Variants in ADAMTSL1 observed in about 807,000 individuals in gnomAD.
ADAMTSL1 encodes ADAMTS-like protein 1.
In ADAMTSL1, 126 loss-of-function variants were observed where a neutral mutation model predicts 201.8. That is an observed-to-expected ratio of 0.62 (90% CI 0.54 to 0.72). ADAMTSL1 has a LOEUF of 0.72. Ranked by LOEUF, ADAMTSL1 falls within the 30% of genes least tolerant of loss-of-function variation. The pLI is 0.00. For synonymous variants in ADAMTSL1, 1,121 were observed against 903.4 expected (o/e 1.24, Z -4.32); for missense variants, 2,679 against 2,277.8 (o/e 1.18, Z -3.59).
chr9:18,021,960 C>T (rs1300423176), intron 1 of ADAMTSL1, among the ~76,000 whole-genome samples: 1 of 152,068 alleles, frequency 6.6e-6, no homozygotes, highest in East Asian at 1.9e-4. Context: ...AATGAAAGCT[C>T]ATTGGCTTAG....
intron 23 of ADAMTSL1, among the ~76,000 whole-genome samples, chr9:18,832,482 A>T (rs1221181684): frequency 1.3e-5 from 2 of 152,252 alleles, no homozygotes; most frequent in African/African-American, 2.4e-5. Context: ...GGAGAATGAC[A>T]TACTAAAAGT....
intron 23 of ADAMTSL1, among the ~76,000 whole-genome samples, chr9:18,851,275 G>T (rs1588235033): frequency 6.6e-6 from 1 of 152,144 alleles, no homozygotes; most frequent in Non-Finnish European, 1.5e-5. Context: ...GCAATGGTGA[G>T]AAAGCAGTAT....
intron 1 of ADAMTSL1, among the ~76,000 whole-genome samples, chr9:18,134,815 A>G (rs902260863): frequency 2.5e-4 from 38 of 152,218 alleles, no homozygotes; most frequent in African/African-American, 9.2e-4. Flanking sequence ...TTTGTTGTGG[A>G]GACAGACTCT....
intron 23 of ADAMTSL1, among the ~76,000 whole-genome samples, chr9:18,830,582 C>T (rs1824912812): frequency 6.6e-6 from 1 of 152,098 alleles, no homozygotes. Context: ...ATGGGTAGTG[C>T]CCTCTGGTAG....
chr9:18,134,319 G>T (rs1174814072), intron 1 of ADAMTSL1, among the ~76,000 whole-genome samples: 1 of 152,126 alleles, frequency 6.6e-6, no homozygotes, highest in Admixed American at 6.5e-5. Flanking sequence ...TGTTGTTGGT[G>T]CATGCCATTG....
chr9:17,931,334 T>C (rs1382705997), intron 1 of ADAMTSL1, among the ~76,000 whole-genome samples: 1 of 150,800 alleles, frequency 6.6e-6, no homozygotes, highest in Non-Finnish European at 1.5e-5. Context: ...GAATTCAGTC[T>C]GGTGGGTGAG....
At chr9:18,023,519 T>C (rs1032278544) in intron 1 of ADAMTSL1, among the ~76,000 whole-genome samples, 1 of 152,194 alleles carries the variant, frequency 6.6e-6, no homozygotes, top group African/African-American at 2.4e-5. Context: ...TCCAAATTGC[T>C]TTTAATCTTC....
intron 19 of ADAMTSL1, 137 bp from the exon 20 acceptor site, chr9:18,795,260 C>T (rs1822337389): frequency 3.6e-6 from 4 of 1,121,186 alleles, no homozygotes; most frequent in Non-Finnish European, 5.0e-6. Context: ...CTTGATTGTC[C>T]TTGTAGCTGG....
chr9:17,920,651 A>G (rs959696819), intron 1 of ADAMTSL1, among the ~76,000 whole-genome samples: 1 of 152,092 alleles, frequency 6.6e-6, no homozygotes, highest in African/African-American at 2.4e-5. Flanking sequence ...TTCAGCCTGC[A>G]TTTTTTGGTC....
chr9:18,029,372 C>T (rs1820836860), intron 1 of ADAMTSL1, among the ~76,000 whole-genome samples: 1 of 152,160 alleles, frequency 6.6e-6, no homozygotes, highest in Admixed American at 6.5e-5. Flanking sequence ...GGATCCCTTC[C>T]TTATGCCTTA....
chr9:17,972,086 T>G (rs916644580), intron 1 of ADAMTSL1, among the ~76,000 whole-genome samples: 3 of 151,952 alleles, frequency 2.0e-5, no homozygotes, highest in African/African-American at 7.2e-5. Context: ...ATTCATCATC[T>G]CACAGTGACC....
At chr9:18,327,656 G>C (rs1834879718) in intron 2 of ADAMTSL1, among the ~76,000 whole-genome samples, 1 of 152,150 alleles carries the variant, frequency 6.6e-6, no homozygotes, top group African/African-American at 2.4e-5. Context: ...TGTTCCAATA[G>C]TTTAATGTTT....
At chr9:18,182,153 G>T (rs74994272) in intron 2 of ADAMTSL1, among the ~76,000 whole-genome samples, 3 of 136,628 alleles carry the variant, frequency 2.2e-5, no homozygotes, top group Non-Finnish European at 3.2e-5. Context: ...TGGGGGGAGG[G>T]GGGAGGGATA....
intron 1 of ADAMTSL1, among the ~76,000 whole-genome samples, chr9:17,933,395 C>A (rs1416438275): frequency 1.3e-5 from 2 of 152,088 alleles, no homozygotes; most frequent in African/African-American, 4.8e-5. Context: ...CCTTAACTTA[C>A]CTATTCAGAG....
At chr9:18,309,935 C>T (rs1231619024) in intron 2 of ADAMTSL1, among the ~76,000 whole-genome samples, 3 of 152,086 alleles carry the variant, frequency 2.0e-5, no homozygotes, top group Admixed American at 6.5e-5. Context: ...TAACTTCAAA[C>T]TATACTACAA....
chr9:17,947,551 T>C (rs1827552313), intron 1 of ADAMTSL1, among the ~76,000 whole-genome samples: 1 of 152,128 alleles, frequency 6.6e-6, no homozygotes, highest in African/African-American at 2.4e-5. Context: ...AGTGATAAGT[T>C]TTTAAACTGA....
At chr9:17,954,616 A>G (rs533971380) in intron 1 of ADAMTSL1, among the ~76,000 whole-genome samples, 2 of 152,304 alleles carry the variant, frequency 1.3e-5, no homozygotes, top group South Asian at 2.1e-4. Flanking sequence ...TGAGGCATGG[A>G]AGGAATCATG....
chr9:18,874,977 TC>T (rs992006320), intron 23 of ADAMTSL1, among the ~76,000 whole-genome samples: 6 of 152,308 alleles, frequency 3.9e-5, no homozygotes, highest in African/African-American at 1.4e-4. Flanking sequence ...TTCTGTTTTT[TC>T]CTGGTTTAAT....
chr9:18,401,320 T>G (rs1817975754), intron 2 of ADAMTSL1, among the ~76,000 whole-genome samples: 2 of 152,218 alleles, frequency 1.3e-5, no homozygotes, highest in African/African-American at 4.8e-5. Context: ...TCTTCTCTAT[T>G]GCATGGCTTC....
Sources: gnomAD v4.1 joint callset for allele counts (sites outside exome capture counted in the v4.1 genomes callset) on GRCh38, gnomAD v4.1.1 for gene constraint, MANE v1.5 for transcripts, NCBI Gene and HGNC (gene_info 2026-07-23, HGNC 2026-07-21) for gene names.